Variants in GRM8 observed in about 807,000 individuals in gnomAD.
GRM8 encodes metabotropic glutamate receptor 8.
Under a neutral mutation model 87.2 loss-of-function variants are expected in GRM8, and 47 were observed. The observed-to-expected ratio is 0.54, with a 90% CI of 0.43 to 0.69. The LOEUF (loss-of-function observed/expected upper bound fraction) is 0.69. GRM8 is among the 30% of genes least tolerant of loss of function. The pLI is 0.00. For missense variants in GRM8, 1,019 were observed against 1,139.2 expected (o/e 0.89, Z 1.52); for synonymous variants, 396 against 404.5 (o/e 0.98, Z 0.25).
At chr7:126,785,777 C>T (rs1195211422) in intron 6 of GRM8, among the ~76,000 whole-genome samples, 1 of 152,110 alleles carries the variant, frequency 6.6e-6, no homozygotes, top group Non-Finnish European at 1.5e-5. Context: ...TAGGTCACTA[C>T]AGCCTGGGTA....
intron 6 of GRM8, among the ~76,000 whole-genome samples, chr7:126,878,170 G>A (rs1431087442): frequency 2.6e-5 from 4 of 152,166 alleles, no homozygotes; most frequent in African/African-American, 9.7e-5. Flanking sequence ...CGCTAGGCAT[G>A]CTCCATTTGT....
At chr7:126,620,732 G>A (rs944970921) in intron 7 of GRM8, among the ~76,000 whole-genome samples, 21 of 152,222 alleles carry the variant, frequency 1.4e-4, no homozygotes, top group Admixed American at 1.4e-3. Context: ...GTACACAATA[G>A]ATGTGCAATG....
intron 6 of GRM8, among the ~76,000 whole-genome samples, chr7:126,821,402 C>G (rs2130170171): frequency 6.6e-6 from 1 of 152,226 alleles, no homozygotes. Context: ...CATGTTTGGC[C>G]CCTGTCATGT....
chr7:126,650,368 T>C (rs2151241224), intron 7 of GRM8, among the ~76,000 whole-genome samples: 1 of 152,282 alleles, frequency 6.6e-6, no homozygotes, highest in East Asian at 1.9e-4. Flanking sequence ...CAGGGCCTCG[T>C]TCACAGATGG....
intron 3 of GRM8, among the ~76,000 whole-genome samples, chr7:126,949,743 T>A (rs1244063698): frequency 3.3e-5 from 5 of 152,166 alleles, no homozygotes; most frequent in Non-Finnish European, 7.4e-5. Flanking sequence ...TTGGCAATAT[T>A]AACAGACCAG....
intron 2 of GRM8, among the ~76,000 whole-genome samples, chr7:127,160,643 C>G (rs949887900): frequency 6.6e-6 from 1 of 152,074 alleles, no homozygotes; most frequent in Non-Finnish European, 1.5e-5. Flanking sequence ...TAGGGTGGGC[C>G]TTTTTCCCTT....
At chr7:126,501,688 GCTAACTCTT>G (rs1809667532) in intron 9 of GRM8, among the ~76,000 whole-genome samples, 1 of 151,992 alleles carries the variant, frequency 6.6e-6, no homozygotes, top group African/African-American at 2.4e-5. Flanking sequence ...TAGAGACTTA[GCTAACTCTT>G]CAAGAGATCC....
At chr7:126,788,420 A>AAAAAAACAAAAAACAAAAAAC in intron 6 of GRM8, among the ~76,000 whole-genome samples, 7 of 81,134 alleles carry the variant, frequency 8.6e-5, no homozygotes, top group African/African-American at 2.8e-4. Context: ...AAAAAAAAAA[A>AAAAAAACAAAAAACAAAAAAC]AAACCCTTTC....
At position 127,110,391 on chromosome 7, in the gene GRM8, C is replaced by T. The variant is rs770395046; in HGVS notation, c.511-3679G>A. 5.2e-4 allele frequency among the ~76,000 whole-genome samples: 79 copies of T among 152,238 alleles called. 1 individual carries two copies. The highest frequency in any genetic ancestry group is 3.4e-3 in the Middle Eastern group (1 of 294). ...CCCTTCCAGCCTTCTCTACCACTGT[C>T]CCTAGGTGACTTTCTCATTTCCTTT... is the stretch of plus-strand genomic sequence containing the variant. On this transcript the variant is annotated intron_variant, in intron 2 of 10. Coordinates refer to ENST00000339582, the MANE Select transcript of GRM8 (RefSeq NM_000845.3).
At chr7:126,524,686 A>G (rs1418093406) in intron 9 of GRM8, among the ~76,000 whole-genome samples, 2 of 151,706 alleles carry the variant, frequency 1.3e-5, no homozygotes, top group Non-Finnish European at 2.9e-5. Flanking sequence ...ATTTTTCCTC[A>G]TATTTTCCTT....
intron 3 of GRM8, among the ~76,000 whole-genome samples, chr7:126,905,741 C>A (rs1478143923): frequency 1.3e-5 from 2 of 152,060 alleles, no homozygotes; most frequent in Non-Finnish European, 2.9e-5. Flanking sequence ...AATAAGTTAC[C>A]ATGGAATAGA....
At chr7:126,884,781 T>C (rs1167651974) in intron 6 of GRM8, among the ~76,000 whole-genome samples, 3 of 152,264 alleles carry the variant, frequency 2.0e-5, no homozygotes, top group East Asian at 3.9e-4. Context: ...TTCATGGAGC[T>C]TACAATTTAA....
intron 1 of GRM8, among the ~76,000 whole-genome samples, chr7:127,249,579 T>C (rs1256241904): frequency 6.6e-6 from 1 of 152,118 alleles, no homozygotes; most frequent in African/African-American, 2.4e-5. Flanking sequence ...GAGACAATAT[T>C]ATGCTCAGCG....
intron 3 of GRM8, among the ~76,000 whole-genome samples, chr7:127,105,801 C>T (rs1825751493): frequency 6.6e-6 from 1 of 152,052 alleles, no homozygotes. Flanking sequence ...TAAGTTGTTC[C>T]TTTGTTTTGC....
At chr7:126,727,086 A>T (rs996088548) in intron 7 of GRM8, among the ~76,000 whole-genome samples, 2 of 151,942 alleles carry the variant, frequency 1.3e-5, no homozygotes, top group African/African-American at 4.8e-5. Flanking sequence ...TTAATCATAA[A>T]AATAAAATAA....
At chr7:126,606,680 T>C (rs1017552317) in intron 8 of GRM8, among the ~76,000 whole-genome samples, 4 of 152,234 alleles carry the variant, frequency 2.6e-5, no homozygotes, top group Non-Finnish European at 5.9e-5. Flanking sequence ...TTCTAAGAGA[T>C]GCATTTTCCA....
At chr7:126,562,449 T>C (rs10487452) in intron 8 of GRM8, among the ~76,000 whole-genome samples, 19,491 of 152,204 alleles carry the variant, frequency 0.13, 1,557 homozygotes, top group South Asian at 0.17. Context: ...ATCAGGAATG[T>C]CTATTATATT....
At chr7:126,617,534 A>C (rs1399513454) in intron 7 of GRM8, among the ~76,000 whole-genome samples, 1 of 152,200 alleles carries the variant, frequency 6.6e-6, no homozygotes, top group East Asian at 1.9e-4. Flanking sequence ...CAGGGCAATC[A>C]GGCAGGAGAA....
At chr7:126,592,826 C>G (rs974613589) in intron 8 of GRM8, among the ~76,000 whole-genome samples, 2 of 151,676 alleles carry the variant, frequency 1.3e-5, no homozygotes, top group East Asian at 1.9e-4. Flanking sequence ...CAAGAGAAAG[C>G]AAATGAATCT....
Sources: gnomAD v4.1 joint callset for allele counts (sites outside exome capture counted in the v4.1 genomes callset) on GRCh38, gnomAD v4.1.1 for gene constraint, MANE v1.5 for transcripts, NCBI Gene and HGNC (gene_info 2026-07-23, HGNC 2026-07-21) for gene names.